The following ARHGAP44 variants were observed in gnomAD, a reference collection of about 807,000 sequenced individuals.
ARHGAP44 encodes the protein Rho GTPase activating protein 44, also known as rho GTPase-activating protein 44.
A neutral mutation model predicts 106.8 loss-of-function variants in ARHGAP44; 43 were observed. The observed-to-expected ratio is 0.40, with a 90% CI of 0.32 to 0.52. The LOEUF is 0.52. ARHGAP44 is among the 20% of genes least tolerant of loss of function. The probability of loss-of-function intolerance (pLI) is 0.48; values close to 1 mark genes in which losing one functional copy is unlikely to be tolerated. For synonymous variants in ARHGAP44, 439 were observed against 410.3 expected (o/e 1.07, Z -0.85); for missense variants, 866 against 1,050.5 (o/e 0.82, Z 2.43).
chr17:12,897,778 GT>G (rs983534797), intron 3 of ARHGAP44, among the ~76,000 whole-genome samples: 2 of 139,242 alleles, frequency 1.4e-5, no homozygotes, highest in African/African-American at 2.7e-5. Flanking sequence ...AGTACAGTAT[GT>G]TTTGGTATCG....
rs189963882 is a variant in ARHGAP44 at position 12,966,547 on chromosome 17, G to T, written c.1524-6755G>T. On this transcript the variant is annotated intron_variant, in intron 16 of 20. Coordinates refer to ENST00000379672, the MANE Select transcript of ARHGAP44 (RefSeq NM_014859.6). ...TGTGTGTAGGCCAGGCTAAGTCTTA[G>T]GAGCTTTGGGTCCCCTTTTCACTCA... Among the ~76,000 whole-genome samples the T allele has an allele frequency of 2.6e-5, 4 of 152,292 alleles. No individual in the cohort carries two copies. The South Asian group carries it at 6.2e-4, about 24-fold the overall frequency.
intron 18 of ARHGAP44, among the ~76,000 whole-genome samples, 166 bp from the exon 19 acceptor site, chr17:12,979,892 C>T (rs2039787341): frequency 6.6e-6 from 1 of 152,160 alleles, no homozygotes; most frequent in South Asian, 2.1e-4. Context: ...AGGGCAGTCA[C>T]CCCAAGGGGC....
chr17:12,789,878 C>A lies in ARHGAP44; in HGVS notation c.40C>A (p.Gln14Lys), dbSNP rs1597840808. 1 of 1,522,400 alleles carries A rather than the reference C, an allele frequency of 6.6e-7. No homozygotes were observed. 94.3% of individuals were successfully genotyped at this position (1,522,400 alleles called of 1,614,324 possible). ...CAATCGCATGCGCCAGCTGGCCAAC[C>A]AGACGGTGGGCAGGTAGGTCACCCG... is the stretch of plus-strand genomic sequence containing the variant. The part of the protein sequence containing the change: ...QFNRMRQLAN[Q>K]TVGRAEKTEV... The change falls in exon 1 of 21, where the codon CAG (glutamine) becomes AAG (lysine). Residue 14 changes from glutamine (Q) to lysine (K), a missense_variant. Gln to Lys is a moderately conservative substitution (Grantham distance 53). This residue lies in a region of ARHGAP44 where 448 missense variants were observed against 646.9 expected (regional missense o/e 0.69). Transcript: ENST00000379672.
At chr17:12,811,996 G>T (rs1306476498) in intron 1 of ARHGAP44, among the ~76,000 whole-genome samples, 1 of 152,008 alleles carries the variant, frequency 6.6e-6, no homozygotes, top group Non-Finnish European at 1.5e-5. Flanking sequence ...CTGTGGTCAG[G>T]ACACCATAAC....
At chr17:12,903,125 A>AGAGAGAGAGG (rs1567677724) in intron 3 of ARHGAP44, among the ~76,000 whole-genome samples, 2 of 72,708 alleles carry the variant, frequency 2.8e-5, no homozygotes, top group African/African-American at 5.9e-5. Context: ...AGAGAGAGAG[A>AGAGAGAGAGG]GGAGAGAGAG....
chr17:12,823,006 T>G (rs550560047), intron 1 of ARHGAP44, among the ~76,000 whole-genome samples: 4 of 152,320 alleles, frequency 2.6e-5, no homozygotes, highest in African/African-American at 4.8e-5. Context: ...GAAATCGGCC[T>G]GGGTAAAATG....
At chr17:12,931,841 T>TACACACACACACACAC (rs10522083) in intron 7 of ARHGAP44, among the ~76,000 whole-genome samples, 30 of 146,410 alleles carry the variant, frequency 2.0e-4, no homozygotes, top group African/African-American at 6.8e-4. Flanking sequence ...ACAGTAGGGA[T>TACACACACACACACAC]ACACACACAC....
At position 12,943,837 on chromosome 17, in the gene ARHGAP44, G is replaced by A. The variant is rs138742318; in HGVS notation, c.733+168G>A. ...AACTGGTGCCTTGAGTCGGGGGTGC[G>A]TAGGGGTGCCCATAGAACATTAACC... On this transcript the variant is annotated intron_variant, in intron 9 of 20. Coordinates refer to ENST00000379672, the MANE Select transcript of ARHGAP44 (RefSeq NM_014859.6). 2.8e-4 allele frequency among the ~76,000 whole-genome samples: 42 copies of A among 152,210 alleles called. No individual in the cohort carries two copies. In the East Asian group the frequency reaches 6.2e-3, roughly 23 times the overall value.
intron 1 of ARHGAP44, among the ~76,000 whole-genome samples, chr17:12,839,145 A>G (rs1027977862): frequency 7.2e-5 from 11 of 152,332 alleles, no homozygotes; most frequent in Admixed American, 5.2e-4. Flanking sequence ...GTTTATTCAA[A>G]GTTAAAACTG....
At chr17:12,807,669 C>T (rs1210577920) in intron 1 of ARHGAP44, among the ~76,000 whole-genome samples, 1 of 152,174 alleles carries the variant, frequency 6.6e-6, no homozygotes, top group Non-Finnish European at 1.5e-5. Context: ...CCTCTCGCAA[C>T]ATGTGAGAAT....
chr17:12,893,159 C>G (rs2037098366), intron 1 of ARHGAP44, among the ~76,000 whole-genome samples: 1 of 151,980 alleles, frequency 6.6e-6, no homozygotes, highest in Non-Finnish European at 1.5e-5. Context: ...GGGTAGAAGT[C>G]CAGATTCCCC....
In ARHGAP44 at chr17:12,804,657, T is replaced by G. The variant is rs78564468; in HGVS notation, c.53+14766T>G. On this transcript the variant is annotated intron_variant, in intron 1 of 20. Transcript: ENST00000379672. ...TTGTTCTTCAATGAAGTTCAAGTAT[T>G]CCCCTTTAGCATTCAACACTTTGAC... is the stretch of plus-strand genomic sequence containing the variant. Among the ~76,000 whole-genome samples the G allele has an allele frequency of 4.9e-3, 741 of 152,326 alleles. 32 individuals carry two copies. The East Asian group carries it at 0.088, about 18-fold the overall frequency.
intron 10 of ARHGAP44, among the ~76,000 whole-genome samples, chr17:12,946,195 C>A (rs1276412349): frequency 2.6e-5 from 4 of 152,110 alleles, no homozygotes; most frequent in Non-Finnish European, 4.4e-5. Flanking sequence ...ACATAATGAG[C>A]CTTACCACTC....
intron 7 of ARHGAP44, 74 bp from the exon 8 acceptor site, chr17:12,940,982 A>C: frequency 1.6e-6 from 2 of 1,276,444 alleles, no homozygotes; most frequent in Non-Finnish European, 2.3e-6. Flanking sequence ...TTCTCACGTG[A>C]TGTGTTGACT....
intron 18 of ARHGAP44, among the ~76,000 whole-genome samples, chr17:12,976,612 CAA>C (rs59099893): frequency 4.0e-4 from 34 of 85,038 alleles, no homozygotes; most frequent in East Asian, 1.2e-3. Flanking sequence ...GACTCTGTGT[CAA>C]AAAAAAAAAA....
chr17:12,840,741 G>A lies in ARHGAP44; in HGVS notation c.53+50850G>A, dbSNP rs541397117. Among the ~76,000 whole-genome samples, 199 of 152,256 alleles carry A rather than the reference G, an allele frequency of 1.3e-3. 1 individual carries two copies. Among genetic ancestry groups the A allele is most frequent in the South Asian group, 7.0e-3 (34 of 4,828 alleles). On this transcript the variant is annotated intron_variant, in intron 1 of 20. Transcript: ENST00000379672. ...GCTCAAGGTGCCCCATGTAAAGAGC[G>A]GAGATTCATGTCATAGACATAAATT...
intron 3 of ARHGAP44, among the ~76,000 whole-genome samples, chr17:12,902,102 G>A (rs73294298): frequency 0.032 from 4,853 of 152,162 alleles, 267 homozygotes; most frequent in African/African-American, 0.11. Context: ...ATCCTGCTCC[G>A]GGATTCCCTT....
intron 1 of ARHGAP44, among the ~76,000 whole-genome samples, chr17:12,836,843 G>A (rs1191411914): frequency 2.0e-5 from 3 of 152,170 alleles, no homozygotes; most frequent in Non-Finnish European, 4.4e-5. Context: ...CTTCACCACT[G>A]CTCTCTTAGT....
intron 16 of ARHGAP44, among the ~76,000 whole-genome samples, chr17:12,963,620 C>T (rs1461061242): frequency 2.1e-5 from 3 of 142,348 alleles, no homozygotes; most frequent in African/African-American, 7.8e-5. Context: ...TGCAGACAGG[C>T]TGGCTTTGCA....
Sources: gnomAD v4.1 joint callset for allele counts (sites outside exome capture counted in the v4.1 genomes callset) on GRCh38, gnomAD v4.1.1 for gene constraint, gnomAD v4.1.1 regional missense constraint, MANE v1.5 for transcripts, NCBI Gene and HGNC (gene_info 2026-07-23, HGNC 2026-07-21) for gene names.